COL23A1: variants seen among roughly 807,000 people sequenced by gnomAD.
The protein encoded by COL23A1 is collagen type XXIII alpha 1 chain, also known as collagen alpha-1(XXIII) chain.
Under a neutral mutation model 99.3 loss-of-function variants are expected in COL23A1, and 97 were observed. That is an observed-to-expected ratio of 0.98 (90% confidence interval 0.83 to 1.16). The LOEUF is 1.16. COL23A1 is among the 50% of genes most tolerant of loss of function. The pLI is 0.00. For synonymous variants in COL23A1, 320 were observed against 308.2 expected (o/e 1.04, Z -0.40); for missense variants, 762 against 757.4 (o/e 1.01, Z -0.07).
intron 2 of COL23A1, among the ~76,000 whole-genome samples, chr5:178,522,731 T>C (rs755310438): frequency 1.3e-5 from 2 of 152,052 alleles, no homozygotes; most frequent in Non-Finnish European, 2.9e-5. Flanking sequence ...CACCAAAAGA[T>C]GTGATCCAAG....
chr5:178,501,151 G>A (rs567501081), intron 2 of COL23A1, among the ~76,000 whole-genome samples: 7 of 152,306 alleles, frequency 4.6e-5, no homozygotes, highest in Non-Finnish European at 8.8e-5. Flanking sequence ...ATGAAGAGAA[G>A]ACAGGCCAAC....
chr5:178,508,227 A>T (rs1562035816), intron 2 of COL23A1, among the ~76,000 whole-genome samples: 1 of 152,046 alleles, frequency 6.6e-6, no homozygotes, highest in Non-Finnish European at 1.5e-5. Flanking sequence ...CCATTTCTGT[A>T]TTAAGACTCT....
At chr5:178,297,982 C>G (rs1271540484) in intron 3 of COL23A1, among the ~76,000 whole-genome samples, 1 of 152,196 alleles carries the variant, frequency 6.6e-6, no homozygotes, top group Non-Finnish European at 1.5e-5. Context: ...TCCACGCCAG[C>G]CAGGGGTTCC....
chr5:178,340,083 T>A lies in COL23A1; in HGVS notation c.362-33164A>T, dbSNP rs1760568858. Among the ~76,000 whole-genome samples the A allele has an allele frequency of 6.6e-6, 1 of 152,102 alleles. No homozygotes were observed. Among genetic ancestry groups the A allele is most frequent in the South Asian group, 2.1e-4 (1 of 4,816 alleles). On this transcript the variant is annotated intron_variant, in intron 2 of 28. Coordinates refer to ENST00000390654, the MANE Select transcript of COL23A1 (RefSeq NM_173465.4). This position sits in a 1 kb window ranked among gnomAD's most constrained non-coding sequence, Gnocchi z 4.7. ...TGGATGGACGGGTTAGGGAGATGAATTCTGGTGTTGCCTGTCTCTAGCTGT... is the reference window on the plus strand; with the variant it reads ...TGGATGGACGGGTTAGGGAGATGAAATCTGGTGTTGCCTGTCTCTAGCTGT...
In COL23A1 at chr5:178,336,814, G is replaced by A. The variant is rs371007003; in HGVS notation, c.362-29895C>T. Among the ~76,000 whole-genome samples the A allele has an allele frequency of 1.6e-3, 250 of 152,228 alleles. 5 individuals are homozygous for A. The South Asian group carries it at 0.038, about 23-fold the overall frequency. Reference sequence around the variant, plus strand: ...CAATCTGTTTCATCTTGGACTTAACGGTGCTTTTAAAAACAAAAATTAAAA... The same window carrying A: ...CAATCTGTTTCATCTTGGACTTAACAGTGCTTTTAAAAACAAAAATTAAAA... On this transcript the variant is annotated intron_variant, in intron 2 of 28. Transcript: ENST00000390654.
rs201108702 is a variant in COL23A1 at position 178,439,226 on chromosome 5, A to G, written c.361+121456T>C. 7.2e-5 allele frequency: 11 copies of G among 152,350 alleles called. No homozygotes were observed. The East Asian group carries it at 2.1e-3, about 29-fold the overall frequency. The allele number at this position is 152,350 out of a possible 1,614,324, so 9.4% of individuals were successfully genotyped here. On this transcript the variant is annotated intron_variant, in intron 2 of 28. Transcript: ENST00000390654. This position sits in a 1 kb window ranked among gnomAD's most constrained non-coding sequence, Gnocchi z 4.2. ...CTGCTGATCTGGCCATGCATGATGC[A>G]TGGACAGGCAAGAGCCAGAGGCCCC...
intron 2 of COL23A1, among the ~76,000 whole-genome samples, chr5:178,421,967 C>G (rs1299263935): frequency 6.6e-6 from 1 of 152,198 alleles, no homozygotes; most frequent in Non-Finnish European, 1.5e-5. Flanking sequence ...GGGGCTGAGG[C>G]TGCCCAGGGG....
chr5:178,357,744 G>A (rs569469244), intron 2 of COL23A1, among the ~76,000 whole-genome samples: 1,586 of 130,914 alleles, frequency 0.012, 12 homozygotes, highest in Middle Eastern at 0.035. Flanking sequence ...GTGTATGTAC[G>A]TGTATGTGTG....
chr5:178,354,477 G>A (rs1761510348), intron 2 of COL23A1, among the ~76,000 whole-genome samples: 1 of 152,126 alleles, frequency 6.6e-6, no homozygotes, highest in African/African-American at 2.4e-5. Context: ...CAGTGTTGGA[G>A]GTGGGGCTTG....
intron 2 of COL23A1, among the ~76,000 whole-genome samples, chr5:178,412,990 T>C (rs1765125878): frequency 6.7e-6 from 1 of 148,484 alleles, no homozygotes; most frequent in South Asian, 2.2e-4. Context: ...ATTCCAATTC[T>C]GAGCCTGGGC....
chr5:178,529,623 A>C (rs1760526969), intron 2 of COL23A1, among the ~76,000 whole-genome samples: 1 of 152,166 alleles, frequency 6.6e-6, no homozygotes, highest in African/African-American at 2.4e-5. Context: ...TGACCAATAG[A>C]GGGACAGACG....
chr5:178,434,940 C>G lies in COL23A1; in HGVS notation c.361+125742G>C, dbSNP rs1175394271. On this transcript the variant is annotated intron_variant, in intron 2 of 28. Coordinates refer to ENST00000390654, the MANE Select transcript of COL23A1 (RefSeq NM_173465.4). This position sits in a 1 kb window ranked among gnomAD's most constrained non-coding sequence, Gnocchi z 4.3. ...GCCCAGCCCCGACCCTGCCGCCGGTCAAGACTGTGTTTCCCAGGGGCCTCT... is the reference window on the plus strand; with the variant it reads ...GCCCAGCCCCGACCCTGCCGCCGGTGAAGACTGTGTTTCCCAGGGGCCTCT... Among the ~76,000 whole-genome samples, 1 of 152,234 alleles carries G rather than the reference C, an allele frequency of 6.6e-6. No individual in the cohort carries two copies. The highest frequency in any genetic ancestry group is 2.4e-5 in the African/African-American group (1 of 41,466).
intron 2 of COL23A1, among the ~76,000 whole-genome samples, chr5:178,322,817 G>A (rs554406288): frequency 6.6e-5 from 10 of 152,204 alleles, no homozygotes; most frequent in Admixed American, 4.6e-4. Flanking sequence ...GGTTCCATGC[G>A]CAGCAACACT....
At chr5:178,378,202 A>G (rs546932027) in intron 2 of COL23A1, 1 of 152,310 alleles carries the variant, frequency 6.6e-6, no homozygotes, top group East Asian at 1.9e-4. Context: ...CCTGGACAAC[A>G]TAGTGAGACC....
chr5:178,481,346 C>A (rs1757328738), intron 2 of COL23A1, among the ~76,000 whole-genome samples: 1 of 151,992 alleles, frequency 6.6e-6, no homozygotes, highest in Non-Finnish European at 1.5e-5. Flanking sequence ...TTGGATATGA[C>A]ACACAGCAGA....
chr5:178,441,009 C>T (rs928027849), intron 2 of COL23A1, among the ~76,000 whole-genome samples: 55 of 152,114 alleles, frequency 3.6e-4, no homozygotes, highest in Non-Finnish European at 3.1e-4. Context: ...TAGAAAGTTA[C>T]GAAACAGATT....
chr5:178,257,495 G>A, intron 13 of COL23A1, 28 bp downstream of exon 13: 1 of 1,562,846 alleles, frequency 6.4e-7, no homozygotes, highest in South Asian at 1.2e-5. Flanking sequence ...GGGGGCAGGG[G>A]GCCACGAGAG....
At chr5:178,247,711 A>G (rs980405423) in intron 21 of COL23A1, 64 bp downstream of exon 21, 8 of 1,564,856 alleles carry the variant, frequency 5.1e-6, no homozygotes, top group Non-Finnish European at 7.0e-6. Context: ...TCTGGGACCT[A>G]GCCCCCACCC....
At chr5:178,577,734 C>T (rs1186480905) in intron 1 of COL23A1, among the ~76,000 whole-genome samples, 1 of 152,250 alleles carries the variant, frequency 6.6e-6, no homozygotes, top group Non-Finnish European at 1.5e-5. Context: ...CAGTCCTCAC[C>T]AAGACCAGCG....
Sources: gnomAD v4.1 joint callset for allele counts (sites outside exome capture counted in the v4.1 genomes callset) on GRCh38, gnomAD v4.1.1 for gene constraint, Gnocchi (gnomAD v3.1) non-coding constraint, MANE v1.5 for transcripts, NCBI Gene and HGNC (gene_info 2026-07-23, HGNC 2026-07-21) for gene names.